GALNT13: variants seen among roughly 807,000 people sequenced by gnomAD.
GALNT13 encodes UDP-GalNAc:polypeptide N-acetylgalactosaminyltransferase 13.
GALNT13 carries 28 observed loss-of-function variants against 64.2 expected under a neutral mutation model. That is an observed-to-expected ratio of 0.44 (90% CI 0.32 to 0.60). The LOEUF (loss-of-function observed/expected upper bound fraction) is 0.60, where lower values mean the gene tolerates loss of function less well. Ranked by LOEUF, GALNT13 falls within the 20% of genes least tolerant of loss-of-function variation. The probability of loss-of-function intolerance (pLI) is 0.05; values close to 1 mark genes in which losing one functional copy is unlikely to be tolerated. For missense variants in GALNT13, 577 were observed against 669.8 expected (o/e 0.86, Z 1.53); for synonymous variants, 214 against 224.6 (o/e 0.95, Z 0.42).
At chr2:153,393,288 C>T in the GALNT13 span, among the ~76,000 whole-genome samples, 7,859 of 148,452 alleles carry the variant, frequency 0.053, 665 homozygotes, top group African/African-American at 0.18. Context: ...TTGTCTTGCT[C>T]AGGGAAATAG....
the GALNT13 span, among the ~76,000 whole-genome samples, chr2:153,428,021 T>C: frequency 2.0e-5 from 3 of 152,200 alleles, no homozygotes; most frequent in African/African-American, 2.4e-5. Flanking sequence ...TTAAAGATGA[T>C]TTTTGGAATT....
the GALNT13 span, among the ~76,000 whole-genome samples, chr2:153,539,214 C>T: frequency 1.9e-3 from 289 of 152,086 alleles, 10 homozygotes; most frequent in East Asian, 0.047. Context: ...CTGTTCATGT[C>T]CTTTGCCCAG....
chr2:154,367,721 AAAG>A lies in GALNT13; in HGVS notation c.1157-28268_1157-28266del, dbSNP rs1223818312. Among the ~76,000 whole-genome samples the A allele has an allele frequency of 3.3e-5, 5 of 152,334 alleles. No individual in the cohort carries two copies. In the East Asian group the frequency reaches 9.6e-4, roughly 29 times the overall value. On this transcript the variant is annotated intron_variant, in intron 9 of 12. Transcript: ENST00000392825. The stretch of plus-strand genomic sequence containing the variant: ...TAGAAGCTATTCTTATAATGTAAAA[AAAG>A]AGTATGTTTTTATGACCTTGCCAAT...
chr2:153,122,202 T>C, the GALNT13 span, among the ~76,000 whole-genome samples: 1 of 151,908 alleles, frequency 6.6e-6, no homozygotes, highest in Non-Finnish European at 1.5e-5. Context: ...CTTTACCTAT[T>C]GTTTACTGTA....
chr2:153,825,609 TG>T, the GALNT13 span, among the ~76,000 whole-genome samples: 10 of 11,156 alleles, frequency 9.0e-4, no homozygotes, highest in African/African-American at 3.8e-3. Context: ...CCATGAGTGC[TG>T]TGTGTGTGTG....
At chr2:154,445,566 A>G (rs1368095730) in intron 12 of GALNT13, among the ~76,000 whole-genome samples, 2 of 151,930 alleles carry the variant, frequency 1.3e-5, no homozygotes, top group African/African-American at 2.4e-5. Context: ...ATCAAGCTAT[A>G]TAGTTAACAA....
the GALNT13 span, among the ~76,000 whole-genome samples, chr2:153,630,916 T>C: frequency 6.7e-6 from 1 of 149,444 alleles, no homozygotes; most frequent in South Asian, 2.1e-4. Context: ...ACCCATTAAA[T>C]CATCATTTAC....
At chr2:153,561,013 T>C in the GALNT13 span, among the ~76,000 whole-genome samples, 6 of 152,166 alleles carry the variant, frequency 3.9e-5, no homozygotes, top group Admixed American at 3.3e-4. Context: ...ATATCTCTTA[T>C]TGTAGTTTTT....
At chr2:153,844,754 A>G in the GALNT13 span, among the ~76,000 whole-genome samples, 2 of 152,128 alleles carry the variant, frequency 1.3e-5, no homozygotes, top group African/African-American at 4.8e-5. Flanking sequence ...CTCACATCTA[A>G]GCTTAGGCTG....
intron 9 of GALNT13, among the ~76,000 whole-genome samples, chr2:154,355,463 T>C (rs147407690): frequency 4.7e-4 from 71 of 152,234 alleles, no homozygotes; most frequent in African/African-American, 1.5e-3. Flanking sequence ...TACATATAAA[T>C]GTCACACTTC....
At chr2:153,418,367 T>C in the GALNT13 span, among the ~76,000 whole-genome samples, 7 of 152,180 alleles carry the variant, frequency 4.6e-5, no homozygotes, top group African/African-American at 7.2e-5. Context: ...AACTGTAAGA[T>C]AAATTTGTGT....
intron 4 of GALNT13, among the ~76,000 whole-genome samples, chr2:154,233,488 A>G (rs1689036334): frequency 6.6e-6 from 1 of 152,140 alleles, no homozygotes; most frequent in African/African-American, 2.4e-5. Flanking sequence ...GAATAGATTT[A>G]TTTCCTAGTA....
At chr2:153,700,042 C>A in the GALNT13 span, among the ~76,000 whole-genome samples, 9 of 151,864 alleles carry the variant, frequency 5.9e-5, no homozygotes, top group South Asian at 4.2e-4. Context: ...CAACAAAAAA[C>A]CCCCAAAACT....
At chr2:153,126,695 C>T in the GALNT13 span, among the ~76,000 whole-genome samples, 4 of 152,062 alleles carry the variant, frequency 2.6e-5, no homozygotes, top group Admixed American at 2.6e-4. Context: ...CCTCTAGAGA[C>T]TTGTTTTCTG....
At chr2:154,140,149 T>A (rs1574581632) in intron 3 of GALNT13, among the ~76,000 whole-genome samples, 188 bp from the exon 4 acceptor site, 1 of 152,126 alleles carries the variant, frequency 6.6e-6, no homozygotes, top group Non-Finnish European at 1.5e-5. Context: ...ACTTGGAAGA[T>A]AATACGCAGA....
chr2:154,149,211 C>G (rs1226779134), intron 4 of GALNT13, among the ~76,000 whole-genome samples: 2 of 152,170 alleles, frequency 1.3e-5, no homozygotes, highest in African/African-American at 4.8e-5. Flanking sequence ...TTATTTTTCT[C>G]AGGTTTATCA....
At chr2:154,209,686 G>A (rs1425828416) in intron 4 of GALNT13, among the ~76,000 whole-genome samples, 1 of 152,018 alleles carries the variant, frequency 6.6e-6, no homozygotes, top group African/African-American at 2.4e-5. Context: ...TACGTTATTT[G>A]AACATTGTCT....
At chr2:154,095,163 A>G (rs1702011228) in intron 3 of GALNT13, among the ~76,000 whole-genome samples, 1 of 151,844 alleles carries the variant, frequency 6.6e-6, no homozygotes, top group African/African-American at 2.4e-5. Context: ...TCTGGCATGT[A>G]TTGTTCATAT....
At chr2:154,448,250 T>C (rs1701695379) in intron 12 of GALNT13, among the ~76,000 whole-genome samples, 3 of 152,038 alleles carry the variant, frequency 2.0e-5, no homozygotes, top group African/African-American at 7.2e-5. Flanking sequence ...GCAGATGCAG[T>C]TTATCAATCA....
Sources: allele counts gnomAD v4.1 joint callset (sites outside exome capture counted in the v4.1 genomes callset), GRCh38; gene constraint gnomAD v4.1.1; transcripts MANE v1.5; gene names NCBI Gene and HGNC (gene_info 2026-07-23, HGNC 2026-07-21).